PRKG1: variants seen among roughly 807,000 people sequenced by gnomAD.
PRKG1 encodes the protein cGMP-dependent protein kinase 1.
A neutral mutation model predicts 88.1 loss-of-function variants in PRKG1; 35 were observed. The observed-to-expected ratio is 0.40, with a 90% CI of 0.30 to 0.53. The LOEUF (loss-of-function observed/expected upper bound fraction) is 0.53. Ranked by LOEUF, PRKG1 falls within the 20% of genes least tolerant of loss-of-function variation. PRKG1 has a pLI of 0.59. For missense variants in PRKG1, 540 were observed against 839.8 expected (o/e 0.64, Z 4.41); for synonymous variants, 303 against 292.5 (o/e 1.04, Z -0.37).
chr10:51,627,895 C>CTTCCTTCCCTTCCTTCCCTTCCTTCCT (rs1348657156), intron 3 of PRKG1, among the ~76,000 whole-genome samples: 17 of 137,148 alleles, frequency 1.2e-4, no homozygotes, highest in African/African-American at 2.9e-4. Flanking sequence ...CCTTCCTTCC[C>CTTCCTTCCCTTCCTTCCCTTCCTTCCT]TTCCTTCCCT....
At chr10:50,997,745 G>C (rs1268563883) in intron 1 of PRKG1, among the ~76,000 whole-genome samples, 1 of 152,108 alleles carries the variant, frequency 6.6e-6, no homozygotes, top group Non-Finnish European at 1.5e-5. Flanking sequence ...CAGAAGTTTG[G>C]GAATTGTCAG....
chr10:51,795,292 A>G (rs1400758268), intron 3 of PRKG1, among the ~76,000 whole-genome samples: 1 of 152,122 alleles, frequency 6.6e-6, no homozygotes, highest in Non-Finnish European at 1.5e-5. Flanking sequence ...TATGGTGACA[A>G]CATTGATGGT....
chr10:51,306,554 C>A (rs1005824389), intron 2 of PRKG1: 5 of 152,106 alleles, frequency 3.3e-5, no homozygotes, highest in Non-Finnish European at 7.4e-5. Context: ...TGCTAATCGG[C>A]TTTCTCTCTC....
At chr10:51,496,306 T>C (rs1425776143) in intron 3 of PRKG1, among the ~76,000 whole-genome samples, 2 of 152,214 alleles carry the variant, frequency 1.3e-5, no homozygotes, top group African/African-American at 4.8e-5. Context: ...GGCAAATATC[T>C]GATTTACTTA....
At chr10:51,779,173 T>A (rs887598490) in intron 3 of PRKG1, among the ~76,000 whole-genome samples, 14 of 152,170 alleles carry the variant, frequency 9.2e-5, no homozygotes, top group African/African-American at 3.4e-4. Flanking sequence ...TCATTAGGCA[T>A]GTACAATGTA....
chr10:51,164,372 G>A (rs1433914626), intron 2 of PRKG1, among the ~76,000 whole-genome samples: 1 of 152,158 alleles, frequency 6.6e-6, no homozygotes, highest in East Asian at 1.9e-4. Context: ...AAACAGAAAG[G>A]ACATCCACAC....
intron 5 of PRKG1, among the ~76,000 whole-genome samples, chr10:52,008,015 C>T (rs1844783323): frequency 6.6e-6 from 1 of 152,086 alleles, no homozygotes. Flanking sequence ...AAACAATCTG[C>T]TCCTGTATGA....
At chr10:51,443,747 G>A (rs1023482907) in intron 2 of PRKG1, among the ~76,000 whole-genome samples, 6 of 151,922 alleles carry the variant, frequency 3.9e-5, no homozygotes, top group African/African-American at 1.4e-4. Context: ...AACTTTAAGA[G>A]CTACAGAAGT....
intron 3 of PRKG1, among the ~76,000 whole-genome samples, chr10:51,708,265 G>A (rs7089114): frequency 0.27 from 40,712 of 151,828 alleles, 8,185 homozygotes; most frequent in African/African-American, 0.57. Context: ...TCCTTTTCCT[G>A]TAGGAACACC....
intron 2 of PRKG1, among the ~76,000 whole-genome samples, chr10:51,233,390 T>C (rs1403482014): frequency 1.3e-5 from 2 of 152,284 alleles, no homozygotes; most frequent in East Asian, 3.9e-4. Flanking sequence ...ATCTGCAATA[T>C]GAGATTGTTC....
At chr10:51,493,232 A>G (rs770148525) in intron 3 of PRKG1, among the ~76,000 whole-genome samples, 3 of 152,170 alleles carry the variant, frequency 2.0e-5, no homozygotes, top group Non-Finnish European at 4.4e-5. Flanking sequence ...CAATTTTTTA[A>G]TCTACTCATT....
intron 3 of PRKG1, among the ~76,000 whole-genome samples, chr10:51,598,908 A>G (rs887639453): frequency 1.3e-5 from 2 of 152,146 alleles, no homozygotes; most frequent in African/African-American, 2.4e-5. Flanking sequence ...CCCGTTTTGC[A>G]TGTGTAGGGG....
At chr10:51,402,163 T>G (rs1293745914) in intron 2 of PRKG1, among the ~76,000 whole-genome samples, 2 of 152,224 alleles carry the variant, frequency 1.3e-5, no homozygotes, top group East Asian at 3.8e-4. Context: ...TTCCTGATAT[T>G]TGAAAGAAAA....
chr10:51,935,565 G>A (rs546982187), intron 5 of PRKG1, among the ~76,000 whole-genome samples: 29 of 152,080 alleles, frequency 1.9e-4, no homozygotes, highest in African/African-American at 5.5e-4. Context: ...CATACAACCC[G>A]GCATTTGTTC....
chr10:52,274,518 C>CAT (rs371343306), intron 12 of PRKG1, among the ~76,000 whole-genome samples: 32,736 of 143,166 alleles, frequency 0.23, 4,011 homozygotes, highest in Non-Finnish European at 0.3. Flanking sequence ...TACATGCCAT[C>CAT]ATATATATAT....
intron 7 of PRKG1, among the ~76,000 whole-genome samples, chr10:52,116,322 T>C (rs1455506618): frequency 1.3e-5 from 2 of 152,194 alleles, no homozygotes; most frequent in Non-Finnish European, 2.9e-5. Context: ...AAGTACTCAT[T>C]ATTTATCTGA....
intron 7 of PRKG1, among the ~76,000 whole-genome samples, chr10:52,069,640 A>G (rs1846446060): frequency 6.6e-6 from 1 of 152,222 alleles, no homozygotes; most frequent in South Asian, 2.1e-4. Flanking sequence ...TTATTTATAT[A>G]GAAGTAAAAT....
At chr10:52,204,305 C>G (rs545489852) in intron 9 of PRKG1, among the ~76,000 whole-genome samples, 37 of 152,074 alleles carry the variant, frequency 2.4e-4, no homozygotes, top group African/African-American at 8.7e-4. Flanking sequence ...AGGCTGGTCT[C>G]AAACTCCTGA....
At chr10:51,533,320 G>A (rs142109620) in intron 3 of PRKG1, among the ~76,000 whole-genome samples, 8 of 152,286 alleles carry the variant, frequency 5.3e-5, no homozygotes, top group African/African-American at 1.7e-4. Flanking sequence ...AGCCACAGAA[G>A]ATAGAACAAC....
Sources: allele counts gnomAD v4.1 joint callset (sites outside exome capture counted in the v4.1 genomes callset), GRCh38; gene constraint gnomAD v4.1.1; transcripts MANE v1.5; gene names NCBI Gene and HGNC (gene_info 2026-07-23, HGNC 2026-07-21).